SHISA9: variants seen among roughly 807,000 people sequenced by gnomAD.
SHISA9 encodes protein shisa-9.
SHISA9 carries 13 observed loss-of-function variants against 38.0 expected under a neutral mutation model. The ratio of observed to expected loss-of-function variants is 0.34; its 90% CI spans 0.22 to 0.54. SHISA9 has a LOEUF of 0.54. Among genes scored for constraint, SHISA9 ranks in the 20% least tolerant of loss-of-function variants. The probability of loss-of-function intolerance (pLI) is 0.91; values close to 1 mark genes in which losing one functional copy is unlikely to be tolerated. For missense variants in SHISA9, 538 were observed against 575.8 expected, an observed-to-expected ratio of 0.93 and a Z score of 0.67; for synonymous variants, 275 against 242.0, an observed-to-expected ratio of 1.14 and a Z score of -1.27.
At chr16:13,294,903 A>C in the SHISA9 span, among the ~76,000 whole-genome samples, 1 of 152,224 alleles carries the variant, frequency 6.6e-6, no homozygotes, top group African/African-American at 2.4e-5. Flanking sequence ...AACATAGTGC[A>C]GTAACCGTTC....
chr16:13,312,528 A>T, the SHISA9 span, among the ~76,000 whole-genome samples: 3 of 152,232 alleles, frequency 2.0e-5, no homozygotes, highest in Non-Finnish European at 4.4e-5. Context: ...TTTGACAAAC[A>T]TTGATTCAGA....
chr16:13,371,587 C>CATTGTAAGTGAACA, the SHISA9 span, among the ~76,000 whole-genome samples: 15 of 152,176 alleles, frequency 9.9e-5, no homozygotes, highest in Non-Finnish European at 1.9e-4. Context: ...AGTGAACACA[C>CATTGTAAGTGAACA]ATGGTTGAAA....
chr16:13,463,670 C>G, the SHISA9 span, among the ~76,000 whole-genome samples: 1 of 152,210 alleles, frequency 6.6e-6, no homozygotes, highest in African/African-American at 2.4e-5. Flanking sequence ...TTAGCAGATT[C>G]TTTATTTCAT....
At chr16:13,359,503 A>G in the SHISA9 span, among the ~76,000 whole-genome samples, 1 of 152,110 alleles carries the variant, frequency 6.6e-6, no homozygotes, top group Non-Finnish European at 1.5e-5. Context: ...ATAAATAGCA[A>G]TAATAATTTT....
Position 12,902,137 on chromosome 16 carries a change from G to A in SHISA9, c.73G>A (p.Glu25Lys). 6.6e-7 allele frequency: 1 copy of A among 1,515,618 alleles called. No individual in the cohort carries two copies. Among genetic ancestry groups the A allele is most frequent in the Non-Finnish European group, 8.8e-7 (1 of 1,139,440 alleles). 93.9% of individuals were successfully genotyped at this position (1,515,618 alleles called of 1,614,324 possible). Residue 25 changes from glutamate to lysine, a missense_variant, in exon 1 of 5, where the codon GAG becomes AAG. Transcript: ENST00000558583. ...GTGCGCCCGCGTGTGCCGGGCGCAG[G>A]AGCGAGCGGGACACGGGCAGCTGGC... ...ELCARVCRAQ[E>K]RAGHGQLAQL...
chr16:13,013,379 G>A (rs1428881971), intron 2 of SHISA9, among the ~76,000 whole-genome samples: 1 of 152,160 alleles, frequency 6.6e-6, no homozygotes, highest in Non-Finnish European at 1.5e-5. Context: ...GTTTGTCTGT[G>A]ATATTCAGAG....
At position 13,235,501 on chromosome 16, in the gene SHISA9, C is replaced by A; in HGVS notation, c.*92C>A. 7.3e-7 allele frequency: 1 copy of A among 1,369,314 alleles called. No homozygotes were observed. 84.8% of individuals were successfully genotyped at this position (1,369,314 alleles called of 1,614,324 possible). A position where few individuals can be genotyped will look rare whatever the true frequency, so the allele number is the denominator to read the frequency against. The stretch of plus-strand genomic sequence containing the variant: ...ACACCCTCCCCATCCTCCCCTAATA[C>A]ATGCGTCCACACACTCACTCTCAAC... On this transcript the variant is annotated 3_prime_UTR_variant, in exon 5 of 5. Transcript: ENST00000558583.
chr16:13,497,213 T>A, the SHISA9 span, among the ~76,000 whole-genome samples: 1 of 152,206 alleles, frequency 6.6e-6, no homozygotes, highest in Non-Finnish European at 1.5e-5. Flanking sequence ...CTTTGATACA[T>A]GTTTACGATG....
chr16:13,426,207 C>T, the SHISA9 span, among the ~76,000 whole-genome samples: 1 of 152,168 alleles, frequency 6.6e-6, no homozygotes, highest in Non-Finnish European at 1.5e-5. Context: ...GCTTACTACA[C>T]GTCAGGATCC....
chr16:13,341,515 A>C, the SHISA9 span, among the ~76,000 whole-genome samples: 1 of 152,164 alleles, frequency 6.6e-6, no homozygotes, highest in African/African-American at 2.4e-5. Flanking sequence ...GGCAATGATG[A>C]TGACCATCAC....
chr16:13,001,439 A>C (rs12935031), intron 2 of SHISA9, among the ~76,000 whole-genome samples: 17 of 152,024 alleles, frequency 1.1e-4, no homozygotes, highest in Non-Finnish European at 2.2e-4. Flanking sequence ...CTGGGATAGA[A>C]ACATTTACCT....
chr16:13,488,825 G>C, the SHISA9 span, among the ~76,000 whole-genome samples: 17 of 152,240 alleles, frequency 1.1e-4, no homozygotes, highest in Admixed American at 4.6e-4. Context: ...GCAGTGGCGC[G>C]ATCTCAGCTC....
rs2051422235 is a variant in SHISA9, at chr16:13,240,049, A to T, written c.*4640A>T. On this transcript the variant is annotated 3_prime_UTR_variant, in exon 5 of 5. Transcript: ENST00000558583. ...ATTCCATGCCCTGACATCAGCCCCT[A>T]TTTTTTGCCTTTAGCTGTCCCCCAG... 6.6e-6 allele frequency: 1 copy of T among 152,248 alleles called. No individual in the cohort carries two copies. The highest frequency in any genetic ancestry group is 1.5e-5 in the Non-Finnish European group (1 of 68,140). 9.4% of individuals were successfully genotyped at this position (152,248 alleles called of 1,614,324 possible). A position where few individuals can be genotyped will look rare whatever the true frequency, so the allele number is the denominator to read the frequency against.
chr16:12,915,980 C>T (rs2017106), intron 1 of SHISA9, among the ~76,000 whole-genome samples: 39,234 of 145,920 alleles, frequency 0.27, 5,724 homozygotes, highest in Middle Eastern at 0.33. Context: ...TACGTATGAA[C>T]ACTGAGTTTT....
chr16:13,499,348 G>A, the SHISA9 span, among the ~76,000 whole-genome samples: 1 of 152,174 alleles, frequency 6.6e-6, no homozygotes, highest in Non-Finnish European at 1.5e-5. Flanking sequence ...CCTATAGGGT[G>A]GAATAGTATG....
At chr16:13,054,911 T>G (rs2073292855) in intron 2 of SHISA9, among the ~76,000 whole-genome samples, 1 of 152,226 alleles carries the variant, frequency 6.6e-6, no homozygotes, top group African/African-American at 2.4e-5. Flanking sequence ...TTCTTTCTAG[T>G]CTAACCCTAG....
intron 2 of SHISA9, among the ~76,000 whole-genome samples, chr16:13,050,578 C>G (rs1490879363): frequency 2.0e-5 from 3 of 152,212 alleles, no homozygotes; most frequent in Non-Finnish European, 4.4e-5. Flanking sequence ...GCGGTCCGCT[C>G]TCTTCAGCCT....
At chr16:13,246,851 A>T in the SHISA9 span, among the ~76,000 whole-genome samples, 2 of 151,108 alleles carry the variant, frequency 1.3e-5, no homozygotes, top group Non-Finnish European at 3.0e-5. Context: ...CTGACTATTT[A>T]AAAAAAAACA....
chr16:13,184,450 AT>A (rs2050803408), intron 2 of SHISA9, among the ~76,000 whole-genome samples: 1 of 152,198 alleles, frequency 6.6e-6, no homozygotes, highest in African/African-American at 2.4e-5. Context: ...GTCTTTGCAT[AT>A]TTTTTAAAAA....
Sources: allele counts gnomAD v4.1 joint callset (sites outside exome capture counted in the v4.1 genomes callset), GRCh38; gene constraint gnomAD v4.1.1; transcripts MANE v1.5; gene names NCBI Gene and HGNC (gene_info 2026-07-23, HGNC 2026-07-21).